The following FOXP1 variants were observed in gnomAD, a reference collection of about 807,000 sequenced individuals.
FOXP1 encodes forkhead box protein P1.
Under a neutral mutation model 98.2 loss-of-function variants are expected in FOXP1, and 15 were observed. The ratio of observed to expected loss-of-function variants is 0.15; its 90% CI spans 0.10 to 0.24. The LOEUF (loss-of-function observed/expected upper bound fraction) is 0.24. Among genes scored for constraint, FOXP1 ranks in the 10% least tolerant of loss-of-function variants. The probability of loss-of-function intolerance (pLI) is 1.00; values close to 1 mark genes in which losing one functional copy is unlikely to be tolerated. For missense variants in FOXP1, 633 were observed against 848.5 expected (o/e 0.75, Z 3.15); for synonymous variants, 371 against 314.5 (o/e 1.18, Z -1.90).
chr3:71,016,690 C>CAT (rs1553694404), intron 11 of FOXP1, among the ~76,000 whole-genome samples: 5 of 149,870 alleles, frequency 3.3e-5, no homozygotes, highest in African/African-American at 9.9e-5. Flanking sequence ...CACACACACA[C>CAT]ATGCATACAC....
chr3:71,389,238 C>CA (rs1553867555), intron 3 of FOXP1, among the ~76,000 whole-genome samples: 1 of 3,562 alleles, frequency 2.8e-4, no homozygotes, highest in African/African-American at 1.8e-3. Flanking sequence ...CTGTAAGCGG[C>CA]GGGGGGGGGG....
intron 6 of FOXP1, among the ~76,000 whole-genome samples, chr3:71,191,072 T>A (rs1576304373): frequency 6.6e-6 from 1 of 152,228 alleles, no homozygotes; most frequent in East Asian, 1.9e-4. Context: ...AAGTAATCTA[T>A]GCACTACCTA....
chr3:71,553,693 CA>C (rs1488340440), intron 2 of FOXP1, among the ~76,000 whole-genome samples: 2 of 152,144 alleles, frequency 1.3e-5, no homozygotes, highest in Non-Finnish European at 2.9e-5. Context: ...CATGTAACTA[CA>C]ATTTAGAGTG....
chr3:71,214,612 G>A (rs1398465805), intron 5 of FOXP1, among the ~76,000 whole-genome samples: 1 of 152,156 alleles, frequency 6.6e-6, no homozygotes, highest in East Asian at 1.9e-4. Context: ...CTCTAAAATA[G>A]GGAATTAAAA....
intron 7 of FOXP1, among the ~76,000 whole-genome samples, chr3:71,061,862 A>C (rs371773378): frequency 2.0e-5 from 3 of 152,336 alleles, no homozygotes; most frequent in East Asian, 3.9e-4. Context: ...GTTAGTACAG[A>C]CTGAGAAGCT....
intron 3 of FOXP1, among the ~76,000 whole-genome samples, chr3:71,373,899 G>A (rs988320417): frequency 3.3e-5 from 5 of 152,120 alleles, no homozygotes; most frequent in African/African-American, 9.7e-5. Context: ...TATACACTGG[G>A]GTTTGCTGAA....
chr3:71,268,252 G>A lies in FOXP1; in HGVS notation c.-12+31568C>T, dbSNP rs532935325. On this transcript the variant is annotated intron_variant, in intron 5 of 20. Transcript: ENST00000649528. Reference sequence around the variant, plus strand: ...ACTATAGGCGCCCGCCACCTCGCCCGGCTAATTTATTTCAGCTTCTAAATT... The same window carrying A: ...ACTATAGGCGCCCGCCACCTCGCCCAGCTAATTTATTTCAGCTTCTAAATT... Among the ~76,000 whole-genome samples the A allele has an allele frequency of 6.5e-4, 99 of 151,594 alleles. 1 individual carries two copies. Among genetic ancestry groups the A allele is most frequent in the Non-Finnish European group, 1.3e-3 (88 of 67,926 alleles).
Position 71,465,547 on chromosome 3 carries a change from C to T in FOXP1, c.-168+27879G>A, listed in dbSNP as rs945963728. On this transcript the variant is annotated intron_variant, in intron 3 of 20. Transcript: ENST00000649528. The stretch of plus-strand genomic sequence containing the variant: ...GAAATCTAACCTTGTGCACGTCCCA[C>T]AGCCTCTGTTTTACATCACTGAAGA... 5.3e-5 allele frequency among the ~76,000 whole-genome samples: 8 copies of T among 152,274 alleles called. 1 individual carries two copies. Among genetic ancestry groups the T allele is most frequent in the African/African-American group, 1.9e-4 (8 of 41,554 alleles).
chr3:71,407,162 A>G (rs2082408061), intron 3 of FOXP1, among the ~76,000 whole-genome samples: 2 of 152,134 alleles, frequency 1.3e-5, no homozygotes. Flanking sequence ...AGCACACAGA[A>G]GCCTGCATCT....
At chr3:71,113,911 TATC>T (rs754141526) in intron 6 of FOXP1, among the ~76,000 whole-genome samples, 5 of 152,118 alleles carry the variant, frequency 3.3e-5, no homozygotes, top group Admixed American at 6.6e-5. Flanking sequence ...AGTTTGAGGA[TATC>T]ATGCTAGAAA....
At chr3:71,250,466 A>C (rs1276129551) in intron 5 of FOXP1, among the ~76,000 whole-genome samples, 2 of 152,226 alleles carry the variant, frequency 1.3e-5, no homozygotes, top group Non-Finnish European at 1.5e-5. Flanking sequence ...ACACATGCCT[A>C]GTGGCTGCCA....
intron 2 of FOXP1, among the ~76,000 whole-genome samples, chr3:71,580,347 T>C (rs1254617730): frequency 6.6e-6 from 1 of 151,992 alleles, no homozygotes; most frequent in Non-Finnish European, 1.5e-5. Flanking sequence ...AGTTCCTTTT[T>C]TATATTTTTC....
chr3:71,069,488 A>G (rs966404344), intron 7 of FOXP1, among the ~76,000 whole-genome samples: 4 of 152,228 alleles, frequency 2.6e-5, no homozygotes, highest in Non-Finnish European at 5.9e-5. Context: ...CTGTTTTAAC[A>G]TAATGTAAAA....
chr3:71,253,333 A>T (rs534173436), intron 5 of FOXP1, among the ~76,000 whole-genome samples: 2 of 152,168 alleles, frequency 1.3e-5, no homozygotes, highest in Non-Finnish European at 2.9e-5. Flanking sequence ...TGGCTGTGTG[A>T]TCTTGAGTAA....
chr3:71,421,629 C>T lies in FOXP1; in HGVS notation c.-167-62385G>A, dbSNP rs534283201. ...ACATCAGAACCCAGCCGACTCAGGA[C>T]AGAGACACCTGCGTAGTGAATGGTT... On this transcript the variant is annotated intron_variant, in intron 3 of 20. Coordinates refer to ENST00000649528, the MANE Select transcript of FOXP1 (RefSeq NM_001349338.3). Among the ~76,000 whole-genome samples, 44 of 152,238 alleles carry T rather than the reference C, an allele frequency of 2.9e-4. No homozygotes were observed. The South Asian group carries it at 8.3e-3, about 29-fold the overall frequency.
chr3:71,399,428 C>T (rs1459587193), intron 3 of FOXP1, among the ~76,000 whole-genome samples: 3 of 151,400 alleles, frequency 2.0e-5, no homozygotes, highest in Non-Finnish European at 2.9e-5. Context: ...CATCTCCCAC[C>T]ATACATTTTA....
At chr3:71,365,100 G>C (rs1037359887) in intron 3 of FOXP1, among the ~76,000 whole-genome samples, 2 of 152,182 alleles carry the variant, frequency 1.3e-5, no homozygotes, top group Non-Finnish European at 2.9e-5. Context: ...ACTGGCAGTG[G>C]GCTGGATTTG....
intron 3 of FOXP1, among the ~76,000 whole-genome samples, chr3:71,437,421 AC>A (rs937060533): frequency 3.3e-5 from 5 of 152,262 alleles, no homozygotes; most frequent in Middle Eastern, 3.4e-3. Context: ...GCAAAACAAA[AC>A]AAAACAAAAC....
chr3:71,382,077 G>A (rs1430979535), intron 3 of FOXP1, among the ~76,000 whole-genome samples: 1 of 152,116 alleles, frequency 6.6e-6, no homozygotes, highest in African/African-American at 2.4e-5. Context: ...TTCAAGACCA[G>A]CCTGAGCAAC....
Sources: gnomAD v4.1 joint callset for allele counts (sites outside exome capture counted in the v4.1 genomes callset) on GRCh38, gnomAD v4.1.1 for gene constraint, MANE v1.5 for transcripts, NCBI Gene and HGNC (gene_info 2026-07-23, HGNC 2026-07-21) for gene names.